LRMDA: variants seen among roughly 807,000 people sequenced by gnomAD.
LRMDA encodes the protein leucine-rich melanocyte differentiation-associated protein.
A neutral mutation model predicts 29.8 loss-of-function variants in LRMDA; 18 were observed. That is an observed-to-expected ratio of 0.60 (90% CI 0.42 to 0.90). The LOEUF is 0.90. LRMDA is among the 40% of genes least tolerant of loss of function. The probability of loss-of-function intolerance (pLI) is 0.00; values close to 1 mark genes in which losing one functional copy is unlikely to be tolerated. For missense variants in LRMDA, 273 were observed against 273.9 expected, an observed-to-expected ratio of 1.00 and a Z score of 0.02; for synonymous variants, 125 against 109.4, an observed-to-expected ratio of 1.14 and a Z score of -0.89.
chr10:75,762,152 A>G (rs1484020895), intron 2 of LRMDA, among the ~76,000 whole-genome samples: 1 of 152,094 alleles, frequency 6.6e-6, no homozygotes, highest in African/African-American at 2.4e-5. Flanking sequence ...TTATCTCCCA[A>G]AGAAAGAGGC....
intron 2 of LRMDA, among the ~76,000 whole-genome samples, chr10:75,520,604 C>T (rs1845345436): frequency 6.6e-6 from 1 of 152,172 alleles, no homozygotes; most frequent in Non-Finnish European, 1.5e-5. Context: ...AGGTCTTTAG[C>T]TTCCTTGCGA....
intron 2 of LRMDA, among the ~76,000 whole-genome samples, chr10:75,955,525 AGAACACACCAGAC>A (rs1183829532): frequency 1.4e-4 from 21 of 152,222 alleles, no homozygotes; most frequent in African/African-American, 5.1e-4. Context: ...TGTCACAGAA[AGAACACACCAGAC>A]CACATTTTCA....
chr10:75,726,792 C>G (rs1206822521), intron 2 of LRMDA, among the ~76,000 whole-genome samples: 3 of 152,174 alleles, frequency 2.0e-5, no homozygotes, highest in Non-Finnish European at 4.4e-5. Flanking sequence ...TTGCTGTGTT[C>G]TAGGATTTTT....
At chr10:76,454,286 C>T (rs146055903) in intron 6 of LRMDA, among the ~76,000 whole-genome samples, 86 of 152,206 alleles carry the variant, frequency 5.7e-4, no homozygotes, top group African/African-American at 1.5e-3. Context: ...TCTCTACTGA[C>T]GTGCTAAATG....
chr10:76,264,493 G>C (rs1328692557), intron 5 of LRMDA, among the ~76,000 whole-genome samples: 10 of 137,166 alleles, frequency 7.3e-5, no homozygotes, highest in Non-Finnish European at 1.4e-4. Context: ...TTTTCCATTT[G>C]CAAGTGGCAT....
At chr10:76,226,015 T>C (rs1395874266) in intron 5 of LRMDA, among the ~76,000 whole-genome samples, 2 of 151,902 alleles carry the variant, frequency 1.3e-5, no homozygotes, top group African/African-American at 4.8e-5. Flanking sequence ...CTGAGAATGA[T>C]GGTTTCCAGC....
At chr10:75,586,148 T>C (rs1840652256) in intron 2 of LRMDA, among the ~76,000 whole-genome samples, 1 of 152,158 alleles carries the variant, frequency 6.6e-6, no homozygotes, top group South Asian at 2.1e-4. Context: ...AGTGCTAATG[T>C]ATCCCTTCAA....
chr10:76,180,223 A>G (rs1374514265), intron 5 of LRMDA, among the ~76,000 whole-genome samples: 1 of 150,744 alleles, frequency 6.6e-6, no homozygotes, highest in Non-Finnish European at 1.5e-5. Context: ...GACTCCTGTG[A>G]GCCCAGTAGA....
chr10:76,063,748 C>T (rs1291385837), intron 5 of LRMDA, among the ~76,000 whole-genome samples: 1 of 152,178 alleles, frequency 6.6e-6, no homozygotes, highest in African/African-American at 2.4e-5. Context: ...CCCACAAATA[C>T]CCTACATAGT....
At chr10:75,980,127 T>C (rs1373381212) in intron 2 of LRMDA, among the ~76,000 whole-genome samples, 1 of 152,212 alleles carries the variant, frequency 6.6e-6, no homozygotes, top group African/African-American at 2.4e-5. Flanking sequence ...CTTGAGGTCT[T>C]CACTCAAAGG....
At chr10:75,877,221 G>A (rs1028837108) in intron 2 of LRMDA, among the ~76,000 whole-genome samples, 11 of 152,158 alleles carry the variant, frequency 7.2e-5, no homozygotes, top group African/African-American at 2.7e-4. Flanking sequence ...CTGGGCTTAC[G>A]TCCCCTTTCC....
intron 2 of LRMDA, among the ~76,000 whole-genome samples, chr10:75,964,750 TTTTG>T (rs1310202154): frequency 6.6e-6 from 1 of 152,016 alleles, no homozygotes; most frequent in African/African-American, 2.4e-5. Flanking sequence ...AGCCTAGTGG[TTTTG>T]TTTGTTTGTT....
intron 5 of LRMDA, among the ~76,000 whole-genome samples, chr10:76,256,818 C>G (rs1434586861): frequency 2.0e-5 from 3 of 152,126 alleles, no homozygotes; most frequent in African/African-American, 7.2e-5. Flanking sequence ...CTCCAGGAAG[C>G]CTTAGCATAC....
chr10:75,714,865 T>C lies in LRMDA; in HGVS notation c.131+276371T>C, dbSNP rs552906816. On this transcript the variant is annotated intron_variant, in intron 2 of 6. Transcript: ENST00000611255. Reference sequence around the variant, plus strand: ...TCCCTCCCTCCCTCCCTCCCTTCCTTCCTTCCTTCCTTCCTTCTTTCCTTC... The same window carrying C: ...TCCCTCCCTCCCTCCCTCCCTTCCTCCCTTCCTTCCTTCCTTCTTTCCTTC... 5.5e-4 allele frequency among the ~76,000 whole-genome samples: 68 copies of C among 123,594 alleles called. 2 individuals carry two copies. Among genetic ancestry groups the C allele is most frequent in the Middle Eastern group, 3.5e-3 (1 of 284 alleles). 81.1% of individuals were successfully genotyped at this position (123,594 alleles called of 152,430 possible). A position where few individuals can be genotyped will look rare whatever the true frequency, so the allele number is the denominator to read the frequency against.
chr10:75,801,266 C>A (rs1157951485), intron 2 of LRMDA, among the ~76,000 whole-genome samples: 1 of 152,210 alleles, frequency 6.6e-6, no homozygotes, highest in East Asian at 1.9e-4. Flanking sequence ...CCCTCTGTCA[C>A]CTGTTCTGTT....
intron 2 of LRMDA, among the ~76,000 whole-genome samples, chr10:75,749,465 C>T (rs1842927053): frequency 6.6e-6 from 1 of 151,928 alleles, no homozygotes; most frequent in Non-Finnish European, 1.5e-5. Context: ...TGTATATGTA[C>T]ATACACACAC....
intron 2 of LRMDA, among the ~76,000 whole-genome samples, chr10:75,456,726 A>G (rs1480576413): frequency 1.3e-5 from 2 of 152,192 alleles, no homozygotes; most frequent in Non-Finnish European, 2.9e-5. Context: ...CCCAGGCTGA[A>G]GTGCTGTGGC....
At chr10:75,667,223 C>A (rs558639288) in intron 2 of LRMDA, among the ~76,000 whole-genome samples, 2,817 of 149,444 alleles carry the variant, frequency 0.019, 84 homozygotes, top group African/African-American at 0.061. Flanking sequence ...TTTTATAACC[C>A]CCCCCCCCAA....
intron 2 of LRMDA, among the ~76,000 whole-genome samples, chr10:75,734,912 C>T (rs1842742481): frequency 6.6e-6 from 1 of 152,246 alleles, no homozygotes; most frequent in South Asian, 2.1e-4. Flanking sequence ...TTTAACACTG[C>T]AGCCTGTCCT....
Sources: allele counts gnomAD v4.1 joint callset (sites outside exome capture counted in the v4.1 genomes callset), GRCh38; gene constraint gnomAD v4.1.1; transcripts MANE v1.5; gene names NCBI Gene and HGNC (gene_info 2026-07-23, HGNC 2026-07-21).